STAC: variants seen among roughly 807,000 people sequenced by gnomAD.
STAC encodes SH3 and cysteine-rich domain-containing protein.
In STAC, 43 loss-of-function variants were observed where a neutral mutation model predicts 48.8. That is an observed-to-expected ratio of 0.88 (90% CI 0.69 to 1.14). The LOEUF (loss-of-function observed/expected upper bound fraction) is 1.14. Ranked by LOEUF, STAC falls within the 50% of genes most tolerant of loss-of-function variation. The pLI is 0.00. For synonymous variants in STAC, 193 were observed against 179.5 expected (o/e 1.07, Z -0.60); for missense variants, 497 against 504.0 (o/e 0.99, Z 0.13).
In STAC at chr3:36,538,261, G is replaced by A. The variant is rs181520870; in HGVS notation, c.1111-7930G>A. 3.3e-3 allele frequency among the ~76,000 whole-genome samples: 496 copies of A among 152,104 alleles called. 1 individual carries two copies. Among genetic ancestry groups the A allele is most frequent in the African/African-American group, 0.01 (420 of 41,490 alleles). ...ATTTATTCATATATATATGGTCTGC[G>A]GCTGCTTTCATGCTACAACTAAATA... On this transcript the variant is annotated intron_variant, in intron 10 of 10. Coordinates refer to ENST00000273183, the MANE Select transcript of STAC (RefSeq NM_003149.3).
chr3:36,547,222 A>G lies in STAC; in HGVS notation c.*933A>G, dbSNP rs1161675097. On this transcript the variant is annotated 3_prime_UTR_variant, in exon 11 of 11. Transcript: ENST00000273183. ...GCACTTTTCCCTCATGCTGTCCTATAGGACTCCACTTTGAAGGTTGTGCCT... is the reference window on the plus strand; with the variant it reads ...GCACTTTTCCCTCATGCTGTCCTATGGGACTCCACTTTGAAGGTTGTGCCT... The G allele has an allele frequency of 6.6e-6, 1 of 152,344 alleles. No individual in the cohort carries two copies. Among genetic ancestry groups the G allele is most frequent in the Non-Finnish European group, 1.5e-5 (1 of 68,052 alleles). 9.4% of individuals were successfully genotyped at this position (152,344 alleles called of 1,614,324 possible).
Position 36,504,382 on chromosome 3 carries a change from G to C in STAC, c.767-11G>C. 6.2e-7 allele frequency: 1 copy of C among 1,612,068 alleles called. No individual in the cohort carries two copies. Among genetic ancestry groups the C allele is most frequent in the Non-Finnish European group, 8.5e-7 (1 of 1,178,658 alleles). ...ATTCATAGAGCACCTGCTTTCTCTTGTCTCCTTCAGTGTTTACATATCCAG... is the reference window on the plus strand; with the variant it reads ...ATTCATAGAGCACCTGCTTTCTCTTCTCTCCTTCAGTGTTTACATATCCAG... On this transcript the variant is annotated splice_polypyrimidine_tract_variant and intron_variant, in intron 6 of 10. Coordinates refer to ENST00000273183, the MANE Select transcript of STAC (RefSeq NM_003149.3).
intron 1 of STAC, among the ~76,000 whole-genome samples, chr3:36,419,306 T>A (rs1469464834): frequency 6.6e-6 from 1 of 152,036 alleles, no homozygotes; most frequent in Non-Finnish European, 1.5e-5. Flanking sequence ...TTAGTGTGGC[T>A]CTTTGAAACT....
intron 1 of STAC, among the ~76,000 whole-genome samples, chr3:36,405,569 T>C (rs947078494): frequency 1.1e-4 from 17 of 152,140 alleles, no homozygotes; most frequent in African/African-American, 3.9e-4. Context: ...GATCGCTATT[T>C]AAAGACCCTG....
intron 2 of STAC, among the ~76,000 whole-genome samples, chr3:36,451,782 T>G (rs796992425): frequency 2.0e-5 from 3 of 152,244 alleles, no homozygotes; most frequent in Non-Finnish European, 2.9e-5. Flanking sequence ...CTCTTCTAGC[T>G]GTACTTAACT....
intron 5 of STAC, among the ~76,000 whole-genome samples, chr3:36,490,484 T>C (rs1341744650): frequency 6.6e-6 from 1 of 152,204 alleles, no homozygotes; most frequent in East Asian, 1.9e-4. Flanking sequence ...AAATCTTTGA[T>C]GAGAGCCAGT....
At chr3:36,388,154 G>T (rs1259725066) in intron 1 of STAC, among the ~76,000 whole-genome samples, 2 of 152,014 alleles carry the variant, frequency 1.3e-5, no homozygotes, top group Admixed American at 1.3e-4. Context: ...AGATTGTTTG[G>T]TTTTTGTTGT....
intron 2 of STAC, among the ~76,000 whole-genome samples, chr3:36,467,256 T>G (rs1330949914): frequency 6.6e-6 from 1 of 152,166 alleles, no homozygotes; most frequent in Non-Finnish European, 1.5e-5. Flanking sequence ...TAGTATTTTG[T>G]TGAAGATTTT....
At chr3:36,415,244 T>C (rs1353564025) in intron 1 of STAC, among the ~76,000 whole-genome samples, 1 of 152,206 alleles carries the variant, frequency 6.6e-6, no homozygotes, top group Non-Finnish European at 1.5e-5. Context: ...TGCCTTTTTT[T>C]CAGCTATGCC....
At chr3:36,487,188 A>G (rs1474464616) in intron 5 of STAC, among the ~76,000 whole-genome samples, 1 of 152,248 alleles carries the variant, frequency 6.6e-6, no homozygotes, top group Non-Finnish European at 1.5e-5. Flanking sequence ...AGGTTAAGCC[A>G]CAAGATTGTA....
intron 2 of STAC, among the ~76,000 whole-genome samples, chr3:36,455,748 G>A (rs566939604): frequency 6.8e-6 from 1 of 146,910 alleles, no homozygotes; most frequent in African/African-American, 2.6e-5. Context: ...CTGGGACTCA[G>A]TGAAACAGGC....
chr3:36,398,414 G>GGGAAGGAAGGAAGGAA (rs761355414), intron 1 of STAC, among the ~76,000 whole-genome samples: 4 of 35,766 alleles, frequency 1.1e-4, no homozygotes, highest in South Asian at 1.1e-3. Context: ...GAAAGAGAGA[G>GGGAAGGAAGGAAGGAA]GGAAGGAAGG....
chr3:36,450,935 C>T (rs1023363564), intron 2 of STAC, among the ~76,000 whole-genome samples: 1 of 152,140 alleles, frequency 6.6e-6, no homozygotes, highest in African/African-American at 2.4e-5. Flanking sequence ...TACATTTACA[C>T]TCAGCCTTTT....
intron 4 of STAC, 75 bp downstream of exon 4, chr3:36,485,133 G>T (rs1697770411): frequency 7.8e-7 from 1 of 1,290,120 alleles, no homozygotes; most frequent in Admixed American, 2.0e-5. Context: ...GTCCTCCCAT[G>T]GCTGCAAAAC....
chr3:36,395,878 C>A (rs1430939956), intron 1 of STAC, among the ~76,000 whole-genome samples: 1 of 151,900 alleles, frequency 6.6e-6, no homozygotes, highest in East Asian at 1.9e-4. Flanking sequence ...CCAGAATCAT[C>A]CAACAAGAAA....
chr3:36,453,083 T>C (rs183866769), intron 2 of STAC, among the ~76,000 whole-genome samples: 3 of 152,348 alleles, frequency 2.0e-5, no homozygotes, highest in Admixed American at 6.5e-5. Context: ...AAAGGAACTG[T>C]TGGAGTCTAG....
chr3:36,402,308 G>A (rs1470349205), intron 1 of STAC, among the ~76,000 whole-genome samples: 1 of 151,822 alleles, frequency 6.6e-6, no homozygotes, highest in African/African-American at 2.4e-5. Context: ...GAAGAAGGAA[G>A]GAAGGGAAAA....
intron 10 of STAC, among the ~76,000 whole-genome samples, chr3:36,541,819 T>C (rs536922763): frequency 6.6e-6 from 1 of 152,254 alleles, no homozygotes; most frequent in African/African-American, 2.4e-5. Context: ...GGATGCTGTG[T>C]ATGTGAGGTG....
intron 2 of STAC, among the ~76,000 whole-genome samples, chr3:36,461,522 G>C (rs1260621098): frequency 6.6e-6 from 1 of 152,098 alleles, no homozygotes; most frequent in African/African-American, 2.4e-5. Flanking sequence ...GAATAGATAG[G>C]TAAGAAGGTG....
Sources: gnomAD v4.1 joint callset for allele counts (sites outside exome capture counted in the v4.1 genomes callset) on GRCh38, gnomAD v4.1.1 for gene constraint, MANE v1.5 for transcripts, NCBI Gene and HGNC (gene_info 2026-07-23, HGNC 2026-07-21) for gene names.